Variants in FRMD4A observed in about 807,000 individuals in gnomAD.
The protein encoded by FRMD4A is FERM domain containing 4A, also known as FERM domain-containing protein 4A.
In FRMD4A, 29 loss-of-function variants were observed where a neutral mutation model predicts 129.1. That is an observed-to-expected ratio of 0.22 (90% CI 0.17 to 0.31). The LOEUF is 0.31. FRMD4A is among the 10% of genes least tolerant of loss of function. FRMD4A has a pLI of 1.00. For missense variants in FRMD4A, 1,272 were observed against 1,375.8 expected, an observed-to-expected ratio of 0.92 and a Z score of 1.19; for synonymous variants, 634 against 571.6, an observed-to-expected ratio of 1.11 and a Z score of -1.56.
intron 2 of FRMD4A, among the ~76,000 whole-genome samples, chr10:14,113,774 G>A (rs59041973): frequency 0.022 from 3,308 of 152,128 alleles, 119 homozygotes; most frequent in African/African-American, 0.076. Flanking sequence ...ATGAGTGTGC[G>A]CGCGCGTGTG....
At chr10:14,145,902 T>G (rs1840051379) in intron 2 of FRMD4A, among the ~76,000 whole-genome samples, 1 of 152,186 alleles carries the variant, frequency 6.6e-6, no homozygotes, top group Non-Finnish European at 1.5e-5. Flanking sequence ...ACGTGCTTAT[T>G]TTGTTCTGAA....
At chr10:13,939,845 A>G (rs2095277629) in intron 2 of FRMD4A, among the ~76,000 whole-genome samples, 1 of 152,242 alleles carries the variant, frequency 6.6e-6, no homozygotes, top group Non-Finnish European at 1.5e-5. Flanking sequence ...AGGTTTTCCC[A>G]TCTCATCACC....
intron 6 of FRMD4A, 70 bp downstream of exon 6, chr10:13,782,852 C>T (rs2092770998): frequency 3.8e-6 from 3 of 797,902 alleles, no homozygotes; most frequent in East Asian, 2.4e-5. Context: ...AGGGGTAACA[C>T]TTTGGAATTT....
chr10:14,155,898 A>G (rs571352774), intron 2 of FRMD4A, among the ~76,000 whole-genome samples: 1 of 152,318 alleles, frequency 6.6e-6, no homozygotes, highest in African/African-American at 2.4e-5. Flanking sequence ...ATAGATACAA[A>G]TGCTACATAA....
chr10:14,237,834 A>G (rs1333388207), intron 2 of FRMD4A, among the ~76,000 whole-genome samples: 2 of 152,208 alleles, frequency 1.3e-5, no homozygotes, highest in African/African-American at 4.8e-5. Context: ...AACACTGACT[A>G]TGATGAGGGT....
In FRMD4A at chr10:13,659,672, C is replaced by A. The variant is rs557828279; in HGVS notation, c.1899-182G>T. ...CCCAGCAGGGGGTATGCCCTCCCCC[C>A]TCCCAACCTAGGCAATATGAGAGGA... On this transcript the variant is annotated intron_variant, in intron 20 of 24. Coordinates refer to ENST00000357447, the MANE Select transcript of FRMD4A (RefSeq NM_018027.5). Among the ~76,000 whole-genome samples the A allele has an allele frequency of 1.1e-4, 16 of 152,202 alleles. No homozygotes were observed. In the South Asian group the frequency reaches 2.7e-3, roughly 26 times the overall value.
At chr10:14,280,982 ATTTT>A (rs772555677) in intron 2 of FRMD4A, among the ~76,000 whole-genome samples, 41 of 76,554 alleles carry the variant, frequency 5.4e-4, no homozygotes, top group African/African-American at 2.0e-3. Flanking sequence ...ACTGGTTTCA[ATTTT>A]TTTTTTTTTT....
At chr10:13,783,134 C>G in intron 5 of FRMD4A, 128 bp from the exon 6 acceptor site, 1 of 641,542 alleles carries the variant, frequency 1.6e-6, no homozygotes, top group Admixed American at 2.6e-5. Context: ...GAAAAAGGCA[C>G]CATCCATGGT....
At chr10:14,056,269 T>A (rs551263418) in intron 2 of FRMD4A, among the ~76,000 whole-genome samples, 2 of 152,144 alleles carry the variant, frequency 1.3e-5, no homozygotes, top group South Asian at 4.2e-4. Context: ...TGACCTCAAG[T>A]GATATGCCCG....
chr10:13,700,176 G>A (rs766843000), intron 14 of FRMD4A, among the ~76,000 whole-genome samples: 7 of 151,356 alleles, frequency 4.6e-5, no homozygotes, highest in Non-Finnish European at 1.0e-4. Context: ...TGGAATTCCT[G>A]AGCTCAAGTG....
At chr10:14,306,920 G>A (rs1007573798) in intron 2 of FRMD4A, among the ~76,000 whole-genome samples, 4 of 152,118 alleles carry the variant, frequency 2.6e-5, no homozygotes, top group Non-Finnish European at 5.9e-5. Context: ...AGGAACTAAG[G>A]ACAGGTACAA....
chr10:13,739,577 TA>T (rs1261184940), intron 11 of FRMD4A, among the ~76,000 whole-genome samples: 1 of 152,240 alleles, frequency 6.6e-6, no homozygotes. Flanking sequence ...TTTTGATCTT[TA>T]CCAAACTGAA....
intron 2 of FRMD4A, among the ~76,000 whole-genome samples, chr10:14,000,409 G>A (rs1400879333): frequency 6.6e-6 from 1 of 151,976 alleles, no homozygotes; most frequent in Non-Finnish European, 1.5e-5. Context: ...CAGTTTGGGA[G>A]GCTAAAGCGG....
intron 2 of FRMD4A, among the ~76,000 whole-genome samples, chr10:13,929,220 G>A (rs188392434): frequency 1.3e-5 from 2 of 152,314 alleles, no homozygotes; most frequent in African/African-American, 2.4e-5. Flanking sequence ...CACAGTGACA[G>A]TTCCATGTTT....
chr10:13,814,658 A>C (rs1200566499), intron 3 of FRMD4A, among the ~76,000 whole-genome samples: 1 of 151,206 alleles, frequency 6.6e-6, no homozygotes, highest in Non-Finnish European at 1.5e-5. Context: ...AAAGAGAGAC[A>C]GAAACAGAGA....
intron 2 of FRMD4A, among the ~76,000 whole-genome samples, chr10:13,965,726 T>A (rs1410329321): frequency 6.6e-6 from 1 of 152,232 alleles, no homozygotes; most frequent in Non-Finnish European, 1.5e-5. Flanking sequence ...AAATAAACCT[T>A]TCTTTCTTTC....
chr10:14,235,722 A>G, intron 2 of FRMD4A, among the ~76,000 whole-genome samples: 1 of 152,234 alleles, frequency 6.6e-6, no homozygotes, highest in East Asian at 1.9e-4. Flanking sequence ...CGTCACAAAA[A>G]TCAGCATAGG....
chr10:13,781,867 C>T (rs1295613424), intron 6 of FRMD4A, among the ~76,000 whole-genome samples: 1 of 152,010 alleles, frequency 6.6e-6, no homozygotes, highest in Admixed American at 6.6e-5. Flanking sequence ...TTCAGTTTAG[C>T]AGATGAAAAG....
intron 2 of FRMD4A, among the ~76,000 whole-genome samples, chr10:14,124,874 T>C (rs1838745131): frequency 6.6e-6 from 1 of 152,174 alleles, no homozygotes; most frequent in Non-Finnish European, 1.5e-5. Context: ...GTGTAATTTT[T>C]CACCTCTAGC....
Sources: gnomAD v4.1 joint callset for allele counts (sites outside exome capture counted in the v4.1 genomes callset) on GRCh38, gnomAD v4.1.1 for gene constraint, MANE v1.5 for transcripts, NCBI Gene and HGNC (gene_info 2026-07-23, HGNC 2026-07-21) for gene names.